PRKG1: variants seen among roughly 807,000 people sequenced by gnomAD.
PRKG1 encodes cGMP-dependent protein kinase 1.
In PRKG1, 35 loss-of-function variants were observed where a neutral mutation model predicts 88.1. The observed-to-expected ratio is 0.40, with a 90% CI of 0.30 to 0.53. PRKG1 has a LOEUF of 0.53. Ranked by LOEUF, PRKG1 falls within the 20% of genes least tolerant of loss-of-function variation. PRKG1 has a pLI of 0.59. For synonymous variants in PRKG1, 303 were observed against 292.5 expected (o/e 1.04, Z -0.37); for missense variants, 540 against 839.8 (o/e 0.64, Z 4.41).
intron 4 of PRKG1, among the ~76,000 whole-genome samples, chr10:51,850,679 G>T (rs1840530515): frequency 6.6e-6 from 1 of 151,998 alleles, no homozygotes; most frequent in African/African-American, 2.4e-5. Flanking sequence ...AGAAAAATGG[G>T]CAAAGGTCAT....
At chr10:51,492,415 T>A (rs1840728764) in intron 3 of PRKG1, among the ~76,000 whole-genome samples, 1 of 152,132 alleles carries the variant, frequency 6.6e-6, no homozygotes, top group Non-Finnish European at 1.5e-5. Context: ...AGGCAACATA[T>A]GACATGAATG....
At position 51,837,325 on chromosome 10, in the gene PRKG1, A is replaced by T. The variant is rs7101062; in HGVS notation, c.698+32635A>T. ...AAGTCTTTTGAATATGGCACTTAAA[A>T]AAATTAAATAGCATACTTTATTGGG... On this transcript the variant is annotated intron_variant, in intron 4 of 17. Coordinates refer to ENST00000373980, the MANE Select transcript of PRKG1 (RefSeq NM_006258.4). 3.3e-5 allele frequency among the ~76,000 whole-genome samples: 5 copies of T among 152,276 alleles called. No homozygotes were observed. The South Asian group carries it at 1.0e-3, about 32-fold the overall frequency.
intron 7 of PRKG1, among the ~76,000 whole-genome samples, chr10:52,092,511 T>C (rs1288544018): frequency 6.6e-6 from 1 of 152,158 alleles, no homozygotes; most frequent in East Asian, 1.9e-4. Context: ...CATCCTTCTA[T>C]GTCTGATTAC....
At chr10:51,866,957 A>G (rs958585252) in intron 4 of PRKG1, among the ~76,000 whole-genome samples, 4 of 152,178 alleles carry the variant, frequency 2.6e-5, no homozygotes, top group Non-Finnish European at 4.4e-5. Flanking sequence ...GAGTTTCATG[A>G]TGGAGGTATA....
chr10:51,032,980 C>T (rs75507673), intron 1 of PRKG1, among the ~76,000 whole-genome samples: 4,456 of 151,992 alleles, frequency 0.029, 135 homozygotes, highest in East Asian at 0.13. Context: ...TTCTCTATGC[C>T]GACGTATCTT....
At chr10:51,959,117 T>C (rs1843384024) in intron 5 of PRKG1, among the ~76,000 whole-genome samples, 1 of 152,150 alleles carries the variant, frequency 6.6e-6, no homozygotes, top group Non-Finnish European at 1.5e-5. Flanking sequence ...CCAGACAGAC[T>C]GATTTTTAGA....
chr10:51,098,458 C>A (rs1285820434), intron 1 of PRKG1, among the ~76,000 whole-genome samples: 2 of 152,088 alleles, frequency 1.3e-5, no homozygotes, highest in East Asian at 1.9e-4. Flanking sequence ...GCAGGTGGAG[C>A]AAGGTGGACT....
rs775457473 is a variant in PRKG1, at chr10:51,074,843, G to A, written c.253G>A (p.Ala85Thr). 3.1e-6 allele frequency: 5 copies of A among 1,613,372 alleles called. No individual in the cohort carries two copies. The highest frequency in any genetic ancestry group is 4.2e-6 in the Non-Finnish European group (5 of 1,179,672). The change falls in exon 1 of 18, where the codon GCC (alanine) becomes ACC (threonine). Residue 85 changes from alanine (A) to threonine (T), a missense_variant. Around this residue, in one of 5 missense-constraint regions of PRKG1, gnomAD observed 400 missense variants for 562.7 expected, o/e 0.71. Coordinates refer to ENST00000373980, the MANE Select transcript of PRKG1 (RefSeq NM_006258.4). ...KRQAISAEPT[A>T]FDIQDLSHVT... ...GCAGGCGATCTCCGCCGAGCCCACC[G>A]CCTTCGACATCCAGGATCTCAGCCA...
At chr10:52,128,149 A>G in intron 7 of PRKG1, 1 of 985,374 alleles carries the variant, frequency 1.0e-6, no homozygotes, top group Non-Finnish European at 1.2e-6. Flanking sequence ...GCTGCACATG[A>G]CAGAGAGTAA....
chr10:52,067,109 T>G (rs2133278081), intron 7 of PRKG1, among the ~76,000 whole-genome samples: 1 of 152,336 alleles, frequency 6.6e-6, no homozygotes, highest in African/African-American at 2.4e-5. Context: ...TCTAAATAAC[T>G]TAGAAATTGA....
At chr10:51,499,951 C>T (rs144543728) in intron 3 of PRKG1, among the ~76,000 whole-genome samples, 1 of 152,064 alleles carries the variant, frequency 6.6e-6, no homozygotes, top group African/African-American at 2.4e-5. Context: ...AGAGTGAGAA[C>T]CTGTCTCTAA....
At chr10:51,679,238 G>A (rs1390221600) in intron 3 of PRKG1, among the ~76,000 whole-genome samples, 1 of 152,024 alleles carries the variant, frequency 6.6e-6, no homozygotes, top group Non-Finnish European at 1.5e-5. Context: ...CTCGCAAAAG[G>A]ACCTGTTTTA....
intron 2 of PRKG1, among the ~76,000 whole-genome samples, chr10:51,350,212 A>C (rs577707594): frequency 6.6e-6 from 1 of 152,324 alleles, no homozygotes; most frequent in Admixed American, 6.5e-5. Flanking sequence ...ACATGGCCTC[A>C]GCCAGTCCAC....
intron 3 of PRKG1, among the ~76,000 whole-genome samples, chr10:51,518,965 C>G (rs545966505): frequency 6.6e-6 from 1 of 152,270 alleles, no homozygotes; most frequent in South Asian, 2.1e-4. Context: ...TAAGAACTTG[C>G]TTAAGTTAGA....
In PRKG1 at chr10:52,015,562, T is replaced by C. The variant is rs867614601; in HGVS notation, c.763-38922T>C. Among the ~76,000 whole-genome samples the C allele has an allele frequency of 3.9e-5, 6 of 152,232 alleles. No individual in the cohort carries two copies. In the South Asian group the frequency reaches 8.3e-4, roughly 21 times the overall value. On this transcript the variant is annotated intron_variant, in intron 5 of 17. Transcript: ENST00000373980. ...ATTGTCTTGGCTATTAACATTTGGC[T>C]CCTCATTACTTATGTAAATTTCTGC...
At chr10:51,984,370 T>C (rs1844095694) in intron 5 of PRKG1, among the ~76,000 whole-genome samples, 1 of 152,246 alleles carries the variant, frequency 6.6e-6, no homozygotes, top group African/African-American at 2.4e-5. Flanking sequence ...ATTATTCATT[T>C]CCGATGATTT....
chr10:51,876,064 AG>A (rs532663991), intron 4 of PRKG1, among the ~76,000 whole-genome samples: 151 of 152,146 alleles, frequency 9.9e-4, no homozygotes, highest in African/African-American at 3.3e-3. Flanking sequence ...CCTTTAAGGA[AG>A]GGGAAAGGAA....
intron 2 of PRKG1, among the ~76,000 whole-genome samples, chr10:51,359,698 A>G (rs913781683): frequency 3.7e-4 from 56 of 151,942 alleles, no homozygotes; most frequent in Non-Finnish European, 7.8e-4. Flanking sequence ...GTAAATAATC[A>G]TATGGCTCAA....
chr10:51,019,853 T>G (rs1843114023), intron 1 of PRKG1, among the ~76,000 whole-genome samples: 2 of 151,884 alleles, frequency 1.3e-5, no homozygotes, highest in South Asian at 2.1e-4. Flanking sequence ...GAATAGAAAT[T>G]TTTTTAAAGA....
Sources: allele counts gnomAD v4.1 joint callset (sites outside exome capture counted in the v4.1 genomes callset), GRCh38; gene constraint gnomAD v4.1.1; regional missense constraint gnomAD v4.1.1; transcripts MANE v1.5; gene names NCBI Gene and HGNC (gene_info 2026-07-23, HGNC 2026-07-21).